Variants in CALCR observed in about 807,000 individuals in gnomAD.
The protein encoded by CALCR is calcitonin receptor.
In CALCR, 47 loss-of-function variants were observed where a neutral mutation model predicts 59.5. The observed-to-expected ratio is 0.79, with a 90% CI of 0.63 to 1.01. The LOEUF is 1.01. CALCR is among the 50% of genes least tolerant of loss of function. The pLI is 0.00. For synonymous variants in CALCR, 213 were observed against 211.3 expected, an observed-to-expected ratio of 1.01 and a Z score of -0.07; for missense variants, 566 against 597.1, an observed-to-expected ratio of 0.95 and a Z score of 0.54.
chr7:93,429,938 T>G (rs61262514), intron 13 of CALCR, among the ~76,000 whole-genome samples: 17,385 of 107,046 alleles, frequency 0.16, 1,357 homozygotes, highest in East Asian at 0.54. Context: ...TTGTTTGTTT[T>G]TTTGTTTTTT....
At chr7:93,449,603 G>C (rs1441566845) in intron 8 of CALCR, among the ~76,000 whole-genome samples, 1 of 151,938 alleles carries the variant, frequency 6.6e-6, no homozygotes, top group Non-Finnish European at 1.5e-5. Context: ...GCTTTGGGTA[G>C]TGTTTATAAC....
At chr7:93,435,398 C>A (rs1457704057) in intron 12 of CALCR, among the ~76,000 whole-genome samples, 1 of 152,106 alleles carries the variant, frequency 6.6e-6, no homozygotes, top group Non-Finnish European at 1.5e-5. Context: ...CAGCTGAGGG[C>A]CCTGGGAATG....
chr7:93,483,220 C>A (rs949737403), intron 3 of CALCR, among the ~76,000 whole-genome samples: 6 of 151,624 alleles, frequency 4.0e-5, no homozygotes, highest in African/African-American at 9.7e-5. Context: ...TTATTTAAAT[C>A]ATCCCCAGAT....
intron 2 of CALCR, among the ~76,000 whole-genome samples, chr7:93,563,305 G>C (rs1298108125): frequency 6.6e-6 from 1 of 152,048 alleles, no homozygotes; most frequent in Non-Finnish European, 1.5e-5. Flanking sequence ...GCCATTTTTA[G>C]ACCACTCTTT....
chr7:93,561,172 A>G (rs977222236), intron 2 of CALCR, among the ~76,000 whole-genome samples: 1 of 152,190 alleles, frequency 6.6e-6, no homozygotes, highest in Admixed American at 6.5e-5. Flanking sequence ...TGCAGATCAA[A>G]TGAGATGCTG....
intron 2 of CALCR, among the ~76,000 whole-genome samples, chr7:93,565,675 T>C (rs890434406): frequency 6.6e-6 from 1 of 152,200 alleles, no homozygotes; most frequent in Non-Finnish European, 1.5e-5. Context: ...GTGATGTTAG[T>C]AATGAAAAAG....
At chr7:93,483,482 T>C (rs1050314018) in intron 3 of CALCR, among the ~76,000 whole-genome samples, 2 of 144,550 alleles carry the variant, frequency 1.4e-5, no homozygotes, top group Non-Finnish European at 3.0e-5. Context: ...GATATAAACA[T>C]ATAAATATAT....
chr7:93,467,672 C>T (rs1258251283), intron 7 of CALCR, among the ~76,000 whole-genome samples: 2 of 151,560 alleles, frequency 1.3e-5, no homozygotes, highest in Admixed American at 6.6e-5. Context: ...CCCCCTCATT[C>T]TATATGTGAA....
chr7:93,549,333 C>G (rs1789388183), intron 2 of CALCR, among the ~76,000 whole-genome samples: 2 of 151,852 alleles, frequency 1.3e-5, no homozygotes, highest in Non-Finnish European at 2.9e-5. Context: ...TATCTTAGTT[C>G]TAAAGTCTAT....
chr7:93,526,952 C>T (rs529893479), intron 2 of CALCR, among the ~76,000 whole-genome samples: 1 of 152,012 alleles, frequency 6.6e-6, no homozygotes, highest in East Asian at 1.9e-4. Context: ...ATAAAGTGAA[C>T]CAAATTGTTC....
chr7:93,478,222 GA>G (rs71528069), intron 4 of CALCR, among the ~76,000 whole-genome samples: 60,999 of 151,608 alleles, frequency 0.4, 12,976 homozygotes, highest in South Asian at 0.49. Flanking sequence ...GATAAACACT[GA>G]AATTACTGCA....
intron 8 of CALCR, among the ~76,000 whole-genome samples, chr7:93,456,209 T>C (rs1701255082): frequency 6.6e-6 from 1 of 152,146 alleles, no homozygotes; most frequent in Non-Finnish European, 1.5e-5. Context: ...TTTATATGTA[T>C]TTGAGGAGGG....
intron 7 of CALCR, chr7:93,462,037 T>C (rs1231031349): frequency 7.5e-7 from 1 of 1,332,848 alleles, no homozygotes; most frequent in South Asian, 1.3e-5. Flanking sequence ...AAAGATGAAA[T>C]ACAAAAATAG....
chr7:93,539,539 A>G (rs977448986), intron 2 of CALCR, among the ~76,000 whole-genome samples: 1 of 152,038 alleles, frequency 6.6e-6, no homozygotes, highest in Non-Finnish European at 1.5e-5. Context: ...GTCTCTGACA[A>G]TGTATTCTTT....
intron 11 of CALCR, among the ~76,000 whole-genome samples, chr7:93,437,742 C>T (rs554484354): frequency 6.6e-6 from 1 of 152,252 alleles, no homozygotes; most frequent in East Asian, 1.9e-4. Flanking sequence ...ATGTTCATAA[C>T]ACAAACAAAC....
chr7:93,480,452 G>A (rs566504309), intron 3 of CALCR, among the ~76,000 whole-genome samples: 12 of 151,844 alleles, frequency 7.9e-5, no homozygotes, highest in African/African-American at 2.7e-4. Context: ...ATTTAGGAAT[G>A]CTGCTTAATT....
chr7:93,430,748 C>A (rs1302949948), intron 13 of CALCR, among the ~76,000 whole-genome samples: 1 of 152,182 alleles, frequency 6.6e-6, no homozygotes, highest in Non-Finnish European at 1.5e-5. Context: ...AATGCAAATT[C>A]TCAAACCCCA....
rs80173865 is a variant in CALCR, at chr7:93,500,257, G to A, written c.-26-13250C>T. Among the ~76,000 whole-genome samples, 1,248 of 151,978 alleles carry A rather than the reference G, an allele frequency of 8.2e-3. 33 individuals carry two copies. Among genetic ancestry groups the A allele is most frequent in the South Asian group, 0.067 (325 of 4,828 alleles). ...AGTTCTAAAGCTTGGTCTAGTAGGG[G>A]TAGAAATAACCATAATGATAGTTCA... On this transcript the variant is annotated intron_variant, in intron 2 of 13. Transcript: ENST00000426151.
At chr7:93,501,028 T>C (rs1028220461) in intron 2 of CALCR, among the ~76,000 whole-genome samples, 5 of 151,996 alleles carry the variant, frequency 3.3e-5, no homozygotes, top group Admixed American at 2.0e-4. Flanking sequence ...GTTCAAAAGG[T>C]TCTGTAAAAT....
Sources: allele counts gnomAD v4.1 joint callset (sites outside exome capture counted in the v4.1 genomes callset), GRCh38; gene constraint gnomAD v4.1.1; transcripts MANE v1.5; gene names NCBI Gene and HGNC (gene_info 2026-07-23, HGNC 2026-07-21).